The following FGF12 variants were observed in gnomAD, a reference collection of about 807,000 sequenced individuals.
FGF12 encodes fibroblast growth factor 12B.
FGF12 carries 14 observed loss-of-function variants against 23.6 expected under a neutral mutation model. The ratio of observed to expected loss-of-function variants is 0.59; its 90% CI spans 0.39 to 0.93. The LOEUF (loss-of-function observed/expected upper bound fraction) is 0.93, where lower values mean the gene tolerates loss of function less well. Ranked by LOEUF, FGF12 falls within the 40% of genes least tolerant of loss-of-function variation. The pLI is 0.00. For synonymous variants in FGF12, 62 were observed against 77.3 expected, an observed-to-expected ratio of 0.80 and a Z score of 1.04; for missense variants, 175 against 217.8, an observed-to-expected ratio of 0.80 and a Z score of 1.24.
At chr3:192,195,955 C>G (rs763102462) in intron 4 of FGF12, among the ~76,000 whole-genome samples, 1 of 152,192 alleles carries the variant, frequency 6.6e-6, no homozygotes, top group Non-Finnish European at 1.5e-5. Context: ...ATCTCTTGAA[C>G]TTAACTCCTC....
chr3:192,249,182 G>C (rs1188017976), intron 4 of FGF12, among the ~76,000 whole-genome samples: 1 of 151,998 alleles, frequency 6.6e-6, no homozygotes, highest in Non-Finnish European at 1.5e-5. Flanking sequence ...CCCATCCAAG[G>C]TCCCTAGCAG....
chr3:192,446,831 A>G (rs73066264), intron 2 of FGF12, among the ~76,000 whole-genome samples: 7,240 of 152,180 alleles, frequency 0.048, 598 homozygotes, highest in African/African-American at 0.17. Context: ...CTCCTGTCCT[A>G]CAGTATTTTC....
At chr3:192,506,476 T>C (rs567586008) in intron 2 of FGF12, among the ~76,000 whole-genome samples, 6 of 152,210 alleles carry the variant, frequency 3.9e-5, no homozygotes, top group Non-Finnish European at 7.3e-5. Context: ...GTTCAAGCGA[T>C]TCTCCTGCCT....
At chr3:192,147,817 G>A (rs1372502063) in intron 5 of FGF12, among the ~76,000 whole-genome samples, 2 of 137,078 alleles carry the variant, frequency 1.5e-5, no homozygotes, top group Non-Finnish European at 3.3e-5. Flanking sequence ...TAAAATGACT[G>A]ACATATCAGT....
chr3:192,707,988 C>G (rs1718532064), intron 2 of FGF12, among the ~76,000 whole-genome samples: 1 of 152,072 alleles, frequency 6.6e-6, no homozygotes, highest in African/African-American at 2.4e-5. Context: ...GAGACGGAGT[C>G]TCGCTCTGTC....
chr3:192,558,379 G>A (rs182282334), intron 2 of FGF12, among the ~76,000 whole-genome samples: 1 of 151,336 alleles, frequency 6.6e-6, no homozygotes, highest in African/African-American at 2.4e-5. Context: ...AACTGAAGAG[G>A]TAAAAAATTT....
intron 2 of FGF12, among the ~76,000 whole-genome samples, chr3:192,550,026 C>T (rs1725592111): frequency 6.6e-6 from 1 of 152,102 alleles, no homozygotes; most frequent in Non-Finnish European, 1.5e-5. Context: ...CTCTCTGTCT[C>T]TCTCTATATA....
intron 2 of FGF12, among the ~76,000 whole-genome samples, chr3:192,608,502 A>T (rs1714430015): frequency 6.6e-6 from 1 of 152,162 alleles, no homozygotes; most frequent in Non-Finnish European, 1.5e-5. Context: ...CTATCCCCTT[A>T]TAAGGAGCCA....
At chr3:192,654,673 C>T (rs572225001) in intron 2 of FGF12, among the ~76,000 whole-genome samples, 6 of 152,324 alleles carry the variant, frequency 3.9e-5, no homozygotes, top group Admixed American at 6.5e-5. Flanking sequence ...AAATGTTCAA[C>T]GTGAAGCAGA....
chr3:192,543,757 T>C (rs1725430408), intron 2 of FGF12, among the ~76,000 whole-genome samples: 1 of 152,194 alleles, frequency 6.6e-6, no homozygotes, highest in Admixed American at 6.5e-5. Flanking sequence ...GGTTCTCCCC[T>C]TCAAGGCAGT....
At chr3:192,157,672 A>C (rs1036631000) in intron 5 of FGF12, among the ~76,000 whole-genome samples, 4 of 152,212 alleles carry the variant, frequency 2.6e-5, no homozygotes, top group African/African-American at 9.7e-5. Context: ...TTTAGTTATA[A>C]ATTTCTTCTG....
intron 2 of FGF12, chr3:192,515,136 C>T (rs547621699): frequency 2.6e-5 from 4 of 152,356 alleles, no homozygotes; most frequent in African/African-American, 9.6e-5. Context: ...CTCCTGCCCT[C>T]GGTGCCGGAC....
At chr3:192,433,823 G>C (rs1353576137) in intron 2 of FGF12, among the ~76,000 whole-genome samples, 1 of 152,162 alleles carries the variant, frequency 6.6e-6, no homozygotes, top group African/African-American at 2.4e-5. Flanking sequence ...CTCCCCATGG[G>C]GTATGTTCAC....
chr3:192,613,031 C>T (rs985037690), intron 2 of FGF12, among the ~76,000 whole-genome samples: 12 of 151,610 alleles, frequency 7.9e-5, no homozygotes, highest in African/African-American at 2.4e-4. Context: ...CCTTTCCCTG[C>T]TCATTTTTCT....
chr3:192,166,481 C>T (rs1420784494), intron 5 of FGF12, among the ~76,000 whole-genome samples: 1 of 152,212 alleles, frequency 6.6e-6, no homozygotes, highest in Non-Finnish European at 1.5e-5. Flanking sequence ...CAGACTGTAG[C>T]CTGTCTTACC....
intron 4 of FGF12, among the ~76,000 whole-genome samples, chr3:192,293,880 T>C (rs895087810): frequency 2.0e-5 from 3 of 152,126 alleles, no homozygotes; most frequent in African/African-American, 7.2e-5. Flanking sequence ...GCAGATTTAG[T>C]GTCTGGTAAG....
intron 2 of FGF12, among the ~76,000 whole-genome samples, chr3:192,530,992 T>C (rs1725072080): frequency 6.6e-6 from 1 of 152,108 alleles, no homozygotes; most frequent in African/African-American, 2.4e-5. Flanking sequence ...TTTTTGTATT[T>C]TTAGTAGAGA....
At chr3:192,508,614 G>C (rs1462227230) in intron 2 of FGF12, among the ~76,000 whole-genome samples, 4 of 152,206 alleles carry the variant, frequency 2.6e-5, no homozygotes, top group African/African-American at 7.2e-5. Flanking sequence ...AGATAACTTT[G>C]CAGGATATCT....
At chr3:192,615,243 A>G (rs534196269) in intron 2 of FGF12, among the ~76,000 whole-genome samples, 3 of 152,174 alleles carry the variant, frequency 2.0e-5, no homozygotes, top group African/African-American at 7.2e-5. Context: ...TTATGCCAAG[A>G]TAAACAACTA....
Sources: gnomAD v4.1 joint callset for allele counts (sites outside exome capture counted in the v4.1 genomes callset) on GRCh38, gnomAD v4.1.1 for gene constraint, MANE v1.5 for transcripts, NCBI Gene and HGNC (gene_info 2026-07-23, HGNC 2026-07-21) for gene names.